The following SEMA6D variants were observed in gnomAD, a reference collection of about 807,000 sequenced individuals.
The protein encoded by SEMA6D is semaphorin 6D.
SEMA6D carries 35 observed loss-of-function variants against 106.6 expected under a neutral mutation model. The ratio of observed to expected loss-of-function variants is 0.33; its 90% CI spans 0.25 to 0.44. SEMA6D has a LOEUF of 0.44. Among genes scored for constraint, SEMA6D ranks in the 20% least tolerant of loss-of-function variants. The probability of loss-of-function intolerance (pLI) is 1.00; values close to 1 mark genes in which losing one functional copy is unlikely to be tolerated. For missense variants in SEMA6D, 1,185 were observed against 1,345.9 expected (o/e 0.88, Z 1.87); for synonymous variants, 499 against 487.7 (o/e 1.02, Z -0.31).
intron 3 of SEMA6D, among the ~76,000 whole-genome samples, chr15:47,528,150 A>G (rs2142023034): frequency 6.6e-6 from 1 of 152,312 alleles, no homozygotes; most frequent in Non-Finnish European, 1.5e-5. Flanking sequence ...TTTAATGTGG[A>G]CACTGCATTC....
At chr15:47,740,967 T>A (rs1416528844) in intron 1 of SEMA6D, among the ~76,000 whole-genome samples, 5 of 152,214 alleles carry the variant, frequency 3.3e-5, no homozygotes, top group African/African-American at 1.2e-4. Context: ...TACTTGACTT[T>A]TTCATAGAAA....
chr15:47,584,638 T>C (rs950413810), intron 3 of SEMA6D, among the ~76,000 whole-genome samples: 1 of 152,154 alleles, frequency 6.6e-6, no homozygotes, highest in African/African-American at 2.4e-5. Flanking sequence ...GTATCTTTTG[T>C]TGGAAACTGC....
At chr15:47,384,495 A>G (rs185100668) in intron 1 of SEMA6D, among the ~76,000 whole-genome samples, 1 of 152,312 alleles carries the variant, frequency 6.6e-6, no homozygotes, top group East Asian at 1.9e-4. Flanking sequence ...ATGCTTGCAC[A>G]TGCTGTGACT....
chr15:47,186,045 A>G (rs567554625), intron 1 of SEMA6D, among the ~76,000 whole-genome samples: 1 of 152,110 alleles, frequency 6.6e-6, no homozygotes, highest in Non-Finnish European at 1.5e-5. Context: ...TTGTGTATAT[A>G]TATGTGTATA....
At chr15:47,430,040 A>G (rs1360687031) in intron 2 of SEMA6D, among the ~76,000 whole-genome samples, 1 of 152,132 alleles carries the variant, frequency 6.6e-6, no homozygotes. Context: ...GTGCTTTCCA[A>G]CCTGATTCAG....
intron 4 of SEMA6D, among the ~76,000 whole-genome samples, chr15:47,641,277 C>A (rs548811824): frequency 1.3e-5 from 2 of 152,288 alleles, no homozygotes; most frequent in East Asian, 3.9e-4. Flanking sequence ...TTTTAAAAAA[C>A]CAGCTACTGT....
chr15:47,499,317 T>C (rs2043771665), intron 3 of SEMA6D, among the ~76,000 whole-genome samples: 1 of 152,100 alleles, frequency 6.6e-6, no homozygotes, highest in African/African-American at 2.4e-5. Context: ...CCCAGGCTCA[T>C]TTAACCAACC....
At chr15:47,288,639 C>G (rs947910958) in intron 1 of SEMA6D, among the ~76,000 whole-genome samples, 6 of 152,052 alleles carry the variant, frequency 3.9e-5, no homozygotes, top group African/African-American at 1.4e-4. Context: ...TGAATGAATG[C>G]ATGAATTCAT....
intron 1 of SEMA6D, among the ~76,000 whole-genome samples, chr15:47,212,495 A>G (rs763453031): frequency 1.4e-4 from 21 of 152,224 alleles, no homozygotes; most frequent in Non-Finnish European, 2.1e-4. Flanking sequence ...GAAGAATTCA[A>G]TAAATGATTG....
intron 3 of SEMA6D, among the ~76,000 whole-genome samples, chr15:47,599,342 T>C (rs745751104): frequency 3.9e-5 from 6 of 152,050 alleles, no homozygotes; most frequent in Non-Finnish European, 8.8e-5. Flanking sequence ...TTTCACCCCT[T>C]GTCTTGTCTG....
At chr15:47,451,286 G>T (rs746453827) in intron 2 of SEMA6D, among the ~76,000 whole-genome samples, 6 of 151,978 alleles carry the variant, frequency 3.9e-5, no homozygotes, top group Non-Finnish European at 8.8e-5. Context: ...CAAAATGGTT[G>T]ATGTGCATAC....
At chr15:47,708,115 C>A (rs1217460369) in intron 4 of SEMA6D, among the ~76,000 whole-genome samples, 3 of 152,168 alleles carry the variant, frequency 2.0e-5, no homozygotes, top group Admixed American at 2.0e-4. Flanking sequence ...AGCTGTATAT[C>A]CTCCGGCTTG....
At chr15:47,714,216 C>G (rs1030647162), upstream of SEMA6D, among the ~76,000 whole-genome samples, 1 of 152,132 alleles carries the variant, frequency 6.6e-6, no homozygotes, top group Non-Finnish European at 1.5e-5. Flanking sequence ...TATGACCTCA[C>G]TATTATTAAC....
intron 4 of SEMA6D, among the ~76,000 whole-genome samples, chr15:47,631,809 G>A (rs2077298187): frequency 6.6e-6 from 1 of 151,922 alleles, no homozygotes; most frequent in African/African-American, 2.4e-5. Context: ...CACCAAGTTT[G>A]TGGTAATTTT....
At chr15:47,655,102 A>T (rs569318056) in intron 4 of SEMA6D, among the ~76,000 whole-genome samples, 29 of 152,034 alleles carry the variant, frequency 1.9e-4, no homozygotes, top group Non-Finnish European at 3.7e-4. Flanking sequence ...ACCGTATATG[A>T]TACATCTTTA....
At chr15:47,323,722 C>T (rs959184792) in intron 1 of SEMA6D, among the ~76,000 whole-genome samples, 3 of 152,114 alleles carry the variant, frequency 2.0e-5, no homozygotes, top group African/African-American at 7.2e-5. Context: ...TCTCCTGTCA[C>T]TGTGATAAAG....
intron 3 of SEMA6D, among the ~76,000 whole-genome samples, chr15:47,543,699 GT>G (rs1566873918): frequency 6.6e-6 from 1 of 152,038 alleles, no homozygotes; most frequent in Non-Finnish European, 1.5e-5. Context: ...TCACTGAAGG[GT>G]TTGAACTAGG....
chr15:47,753,196 A>G (rs1360654352), intron 1 of SEMA6D, among the ~76,000 whole-genome samples: 4 of 152,148 alleles, frequency 2.6e-5, no homozygotes, highest in Admixed American at 1.3e-4. Flanking sequence ...GGAAATTTAC[A>G]TTTATGGATT....
intron 4 of SEMA6D, among the ~76,000 whole-genome samples, chr15:47,626,249 C>T (rs993646346): frequency 6.6e-6 from 1 of 152,244 alleles, no homozygotes; most frequent in Middle Eastern, 3.4e-3. Context: ...AGGAAACTTC[C>T]CCAAATGTCC....
Sources: allele counts gnomAD v4.1 joint callset (sites outside exome capture counted in the v4.1 genomes callset), GRCh38; gene constraint gnomAD v4.1.1; transcripts MANE v1.5; gene names NCBI Gene and HGNC (gene_info 2026-07-23, HGNC 2026-07-21).